GPC6: variants seen among roughly 807,000 people sequenced by gnomAD.
GPC6 encodes glypican-6.
GPC6 carries 14 observed loss-of-function variants against 55.2 expected under a neutral mutation model. That is an observed-to-expected ratio of 0.25 (90% CI 0.17 to 0.40). The LOEUF (loss-of-function observed/expected upper bound fraction) is 0.40, where lower values mean the gene tolerates loss of function less well. Among genes scored for constraint, GPC6 ranks in the 10% least tolerant of loss-of-function variants. The pLI, the probability that GPC6 is intolerant of heterozygous loss-of-function variation, is 1.00. For missense variants in GPC6, 641 were observed against 708.5 expected, an observed-to-expected ratio of 0.90 and a Z score of 1.08; for synonymous variants, 278 against 259.6, an observed-to-expected ratio of 1.07 and a Z score of -0.68.
At chr13:94,303,929 CTCTT>C (rs1275555725) in intron 5 of GPC6, among the ~76,000 whole-genome samples, 1 of 152,202 alleles carries the variant, frequency 6.6e-6, no homozygotes, top group Non-Finnish European at 1.5e-5. Context: ...AGTCCATTAA[CTCTT>C]TCAGTACATG....
At chr13:93,910,038 C>CT (rs941488811) in intron 3 of GPC6, among the ~76,000 whole-genome samples, 4 of 151,290 alleles carry the variant, frequency 2.6e-5, no homozygotes, top group African/African-American at 7.4e-5. Context: ...TGACAAAACT[C>CT]TAAGAATTTA....
At chr13:94,389,598 T>C (rs1251067522) in intron 7 of GPC6, among the ~76,000 whole-genome samples, 1 of 152,146 alleles carries the variant, frequency 6.6e-6, no homozygotes, top group Non-Finnish European at 1.5e-5. Flanking sequence ...GTAGCATTGT[T>C]TTCTCTTCAC....
At chr13:94,115,935 C>T (rs777864359) in intron 4 of GPC6, among the ~76,000 whole-genome samples, 4 of 151,970 alleles carry the variant, frequency 2.6e-5, no homozygotes, top group East Asian at 1.9e-4. Flanking sequence ...GTTAATTTTA[C>T]GTATCAAGAT....
At chr13:93,387,285 C>T (rs1415983923) in intron 1 of GPC6, among the ~76,000 whole-genome samples, 2 of 152,070 alleles carry the variant, frequency 1.3e-5, no homozygotes, top group Admixed American at 1.3e-4. Context: ...TTTTAAGGCC[C>T]GCATGCACCA....
At chr13:94,383,279 A>C (rs1318708561) in intron 7 of GPC6, among the ~76,000 whole-genome samples, 1 of 152,214 alleles carries the variant, frequency 6.6e-6, no homozygotes, top group Non-Finnish European at 1.5e-5. Flanking sequence ...CAAAGCCCTC[A>C]GCAATGGGGT....
At position 93,734,907 on chromosome 13, in the gene GPC6, A is replaced by G. The variant is rs556445338; in HGVS notation, c.320-95247A>G. Among the ~76,000 whole-genome samples the G allele has an allele frequency of 1.2e-4, 18 of 152,254 alleles. No individual in the cohort carries two copies. In the East Asian group the frequency reaches 3.5e-3, roughly 29 times the overall value. On this transcript the variant is annotated intron_variant, in intron 2 of 8. Transcript: ENST00000377047. ...ATCTTCCTGAAATACAGTAGATAAT[A>G]AATAAAGTACTAAATTATATTAACT...
chr13:93,699,090 A>G (rs749821100), intron 2 of GPC6, among the ~76,000 whole-genome samples: 4 of 152,104 alleles, frequency 2.6e-5, no homozygotes, highest in Non-Finnish European at 5.9e-5. Context: ...TTGAAAAAGT[A>G]AAGAGTTAAT....
chr13:94,337,334 T>A (rs1408988981), intron 6 of GPC6, among the ~76,000 whole-genome samples: 1 of 152,134 alleles, frequency 6.6e-6, no homozygotes, highest in African/African-American at 2.4e-5. Flanking sequence ...AAATATAAAT[T>A]TTATTTCATC....
chr13:94,145,153 A>T (rs773843831), intron 4 of GPC6, among the ~76,000 whole-genome samples: 1 of 123,114 alleles, frequency 8.1e-6, no homozygotes, highest in African/African-American at 2.8e-5. Context: ...GGATGGATGG[A>T]TGGATGGATG....
chr13:93,449,192 G>T (rs184678640), intron 1 of GPC6, among the ~76,000 whole-genome samples: 32 of 152,312 alleles, frequency 2.1e-4, no homozygotes, highest in African/African-American at 7.5e-4. Flanking sequence ...GATGAGGAAG[G>T]TTCCTTAATC....
intron 3 of GPC6, among the ~76,000 whole-genome samples, chr13:93,990,398 G>A (rs1881242758): frequency 6.6e-6 from 1 of 152,054 alleles, no homozygotes; most frequent in South Asian, 2.1e-4. Context: ...GTGTGAATTA[G>A]GCCAAGCTTT....
intron 1 of GPC6, among the ~76,000 whole-genome samples, chr13:93,462,005 C>T (rs899649488): frequency 6.6e-6 from 1 of 152,106 alleles, no homozygotes; most frequent in Non-Finnish European, 1.5e-5. Context: ...ATCCAACCCA[C>T]AAGCCATGCC....
At chr13:93,304,065 A>G (rs1194582576) in intron 1 of GPC6, among the ~76,000 whole-genome samples, 1 of 151,958 alleles carries the variant, frequency 6.6e-6, no homozygotes, top group African/African-American at 2.4e-5. Flanking sequence ...ACGGGATTTC[A>G]CCATGTTGGC....
chr13:94,134,959 C>T (rs1004302212), intron 4 of GPC6, among the ~76,000 whole-genome samples: 4 of 152,144 alleles, frequency 2.6e-5, no homozygotes, highest in African/African-American at 9.7e-5. Flanking sequence ...CTGAAATCAC[C>T]TCTTCTCCTT....
intron 4 of GPC6, among the ~76,000 whole-genome samples, chr13:94,270,765 A>C (rs950737920): frequency 2.6e-5 from 4 of 152,182 alleles, no homozygotes; most frequent in African/African-American, 9.7e-5. Flanking sequence ...TTCTAAGACC[A>C]GAATATACCA....
At chr13:93,297,712 C>T (rs1878541304) in intron 1 of GPC6, among the ~76,000 whole-genome samples, 2 of 152,100 alleles carry the variant, frequency 1.3e-5, no homozygotes, top group Admixed American at 6.5e-5. Context: ...CCAGAAATTC[C>T]TTATCATTTG....
chr13:94,083,383 G>T (rs1433402522), intron 4 of GPC6, among the ~76,000 whole-genome samples: 1 of 152,192 alleles, frequency 6.6e-6, no homozygotes, highest in Non-Finnish European at 1.5e-5. Flanking sequence ...CTCCCAAAGT[G>T]CTGGGATTAC....
intron 5 of GPC6, among the ~76,000 whole-genome samples, chr13:94,304,155 A>G (rs1341922389): frequency 6.6e-6 from 1 of 152,262 alleles, no homozygotes; most frequent in Non-Finnish European, 1.5e-5. Flanking sequence ...TCTTTATCAC[A>G]TCGGTTTACA....
intron 2 of GPC6, among the ~76,000 whole-genome samples, chr13:93,568,128 A>T (rs1272422773): frequency 6.6e-6 from 1 of 152,186 alleles, no homozygotes; most frequent in East Asian, 1.9e-4. Flanking sequence ...GTCTTTCAAG[A>T]TGCATCTTCT....
Sources: gnomAD v4.1 joint callset for allele counts (sites outside exome capture counted in the v4.1 genomes callset) on GRCh38, gnomAD v4.1.1 for gene constraint, MANE v1.5 for transcripts, NCBI Gene and HGNC (gene_info 2026-07-23, HGNC 2026-07-21) for gene names.